Variants in SUGCT observed in about 807,000 individuals in gnomAD.
The protein encoded by SUGCT is succinyl-CoA:glutarate CoA-transferase.
In SUGCT, 41 loss-of-function variants were observed where a neutral mutation model predicts 55.0. The ratio of observed to expected loss-of-function variants is 0.74; its 90% CI spans 0.58 to 0.97. The LOEUF (loss-of-function observed/expected upper bound fraction) is 0.97. Among genes scored for constraint, SUGCT ranks in the 50% least tolerant of loss-of-function variants. The pLI is 0.00. For missense variants in SUGCT, 568 were observed against 547.8 expected (o/e 1.04, Z -0.37); for synonymous variants, 187 against 200.4 (o/e 0.93, Z 0.56).
chr7:40,876,731 T>C, the SUGCT span, among the ~76,000 whole-genome samples: 2 of 152,098 alleles, frequency 1.3e-5, no homozygotes, highest in Non-Finnish European at 2.9e-5. Flanking sequence ...GGTCGGTGTG[T>C]GGGGCTGGTG....
At chr7:40,800,275 C>T (rs1790748482) in intron 13 of SUGCT, among the ~76,000 whole-genome samples, 2 of 144,316 alleles carry the variant, frequency 1.4e-5, no homozygotes, top group African/African-American at 2.6e-5. Context: ...GTTGGGGTGT[C>T]GTATTCATGA....
intron 12 of SUGCT, among the ~76,000 whole-genome samples, chr7:40,612,155 A>T (rs140683922): frequency 1.4e-3 from 207 of 152,248 alleles, no homozygotes; most frequent in African/African-American, 4.8e-3. Context: ...TTTTCAAAGT[A>T]CTTTATATCT....
intron 12 of SUGCT, among the ~76,000 whole-genome samples, chr7:40,572,013 G>A (rs956946244): frequency 3.3e-5 from 5 of 152,174 alleles, no homozygotes; most frequent in Admixed American, 3.3e-4. Flanking sequence ...CTCACTAATT[G>A]CAGGGATGGA....
chr7:40,721,201 C>A (rs924396231), intron 12 of SUGCT, among the ~76,000 whole-genome samples: 16 of 152,146 alleles, frequency 1.1e-4, no homozygotes, highest in Admixed American at 6.5e-5. Flanking sequence ...TAAATGAGAA[C>A]CCCCTTGATT....
chr7:40,931,326 G>A, the SUGCT span, among the ~76,000 whole-genome samples: 1 of 152,268 alleles, frequency 6.6e-6, no homozygotes, highest in African/African-American at 2.4e-5. Context: ...CAGTTTGCCA[G>A]TATTTTATTG....
At chr7:40,930,811 G>A in the SUGCT span, among the ~76,000 whole-genome samples, 1 of 152,200 alleles carries the variant, frequency 6.6e-6, no homozygotes, top group Admixed American at 6.5e-5. Flanking sequence ...TCAGCTTAAG[G>A]AGATTTTGGG....
intron 8 of SUGCT, among the ~76,000 whole-genome samples, chr7:40,285,350 T>C (rs1259102104): frequency 1.3e-5 from 2 of 152,178 alleles, no homozygotes; most frequent in Non-Finnish European, 2.9e-5. Flanking sequence ...ATCGGAATCA[T>C]ATATATTGTC....
chr7:40,756,249 G>A (rs1788247289), intron 13 of SUGCT, among the ~76,000 whole-genome samples: 1 of 152,048 alleles, frequency 6.6e-6, no homozygotes, highest in South Asian at 2.1e-4. Flanking sequence ...ATGCCAACTA[G>A]GAACTTAAGA....
intron 10 of SUGCT, among the ~76,000 whole-genome samples, chr7:40,456,782 G>A (rs569092396): frequency 1.3e-5 from 2 of 152,252 alleles, no homozygotes; most frequent in East Asian, 3.9e-4. Flanking sequence ...TAAAACTACT[G>A]AGGCTGAAGT....
At chr7:40,854,476 C>CTCTCTT (rs1563050949) in intron 13 of SUGCT, among the ~76,000 whole-genome samples, 32 of 96,714 alleles carry the variant, frequency 3.3e-4, no homozygotes, top group African/African-American at 1.2e-3. Flanking sequence ...TTCTTTCTTT[C>CTCTCTT]TCTTTCTCTC....
intron 12 of SUGCT, among the ~76,000 whole-genome samples, chr7:40,702,866 C>A (rs554613745): frequency 2.2e-4 from 34 of 152,248 alleles, no homozygotes; most frequent in Admixed American, 2.0e-3. Context: ...CTTTTATAGC[C>A]CAAAACTACG....
At chr7:40,506,125 A>G (rs1792577231) in intron 12 of SUGCT, among the ~76,000 whole-genome samples, 1 of 152,076 alleles carries the variant, frequency 6.6e-6, no homozygotes, top group African/African-American at 2.4e-5. Flanking sequence ...TGTGTTGATG[A>G]TATTAGTTAC....
intron 8 of SUGCT, among the ~76,000 whole-genome samples, chr7:40,298,218 A>G (rs1347200869): frequency 6.6e-6 from 1 of 152,014 alleles, no homozygotes; most frequent in Non-Finnish European, 1.5e-5. Context: ...ATCAGTCACC[A>G]TGCTAAAGTA....
intron 8 of SUGCT, among the ~76,000 whole-genome samples, chr7:40,302,090 T>C (rs2151079525): frequency 6.6e-6 from 1 of 152,334 alleles, no homozygotes; most frequent in South Asian, 2.1e-4. Context: ...CCAAACTTCA[T>C]ATGTTATTAG....
intron 12 of SUGCT, chr7:40,538,235 G>A (rs1409026399): frequency 6.6e-6 from 1 of 152,078 alleles, no homozygotes; most frequent in Non-Finnish European, 1.5e-5. Context: ...TACAGTAAAG[G>A]TAATGAACAT....
At chr7:40,506,576 G>A (rs1391458927) in intron 12 of SUGCT, among the ~76,000 whole-genome samples, 1 of 151,978 alleles carries the variant, frequency 6.6e-6, no homozygotes, top group African/African-American at 2.4e-5. Context: ...GTTCTTGGAT[G>A]TTTTTCATAA....
At chr7:40,186,834 G>T (rs1427382850) in intron 3 of SUGCT, among the ~76,000 whole-genome samples, 1 of 152,192 alleles carries the variant, frequency 6.6e-6, no homozygotes, top group Non-Finnish European at 1.5e-5. Flanking sequence ...GCACAGAGCA[G>T]TGTCTGTGAC....
chr7:40,426,295 A>G (rs1490707204), intron 9 of SUGCT, among the ~76,000 whole-genome samples: 1 of 152,188 alleles, frequency 6.6e-6, no homozygotes, highest in Non-Finnish European at 1.5e-5. Context: ...GTTTGATTAT[A>G]GCACGGAGAC....
intron 1 of SUGCT, among the ~76,000 whole-genome samples, chr7:40,150,637 C>T (rs1463793157): frequency 6.6e-6 from 1 of 151,792 alleles, no homozygotes. Context: ...AGCCATTGCA[C>T]TCCAGCCTGG....
Sources: gnomAD v4.1 joint callset for allele counts (sites outside exome capture counted in the v4.1 genomes callset) on GRCh38, gnomAD v4.1.1 for gene constraint, MANE v1.5 for transcripts, NCBI Gene and HGNC (gene_info 2026-07-23, HGNC 2026-07-21) for gene names.